The following CUL2 variants were observed in gnomAD, a reference collection of about 807,000 sequenced individuals.
The protein encoded by CUL2 is cullin 2.
A neutral mutation model predicts 110.2 loss-of-function variants in CUL2; 22 were observed. That is an observed-to-expected ratio of 0.20 (90% confidence interval 0.14 to 0.28). The LOEUF is 0.28. Ranked by LOEUF, CUL2 falls within the 10% of genes least tolerant of loss-of-function variation. The pLI is 1.00. For synonymous variants in CUL2, 279 were observed against 293.2 expected (o/e 0.95, Z 0.49); for missense variants, 631 against 905.5 (o/e 0.70, Z 3.89).
At chr10:35,042,407 A>C (rs115206759) in intron 8 of CUL2, among the ~76,000 whole-genome samples, 1 of 152,146 alleles carries the variant, frequency 6.6e-6, no homozygotes. Flanking sequence ...TTCCTGGTTC[A>C]TAACTCCCTT....
At chr10:35,062,005 G>A (rs191289670) in intron 3 of CUL2, among the ~76,000 whole-genome samples, 18 of 152,122 alleles carry the variant, frequency 1.2e-4, no homozygotes, top group African/African-American at 4.3e-4. Flanking sequence ...TATAGATAAA[G>A]TCAAAACTCA....
intron 4 of CUL2, among the ~76,000 whole-genome samples, chr10:35,057,740 TA>T (rs1442244146): frequency 1.3e-5 from 2 of 152,176 alleles, no homozygotes; most frequent in Non-Finnish European, 2.9e-5. Context: ...ACACCATTCT[TA>T]TTTTATAAGT....
rs150696727 is a variant in CUL2, at chr10:35,054,494, C to T, written c.363G>A (p.Ala121=). The change falls in exon 5 of 21, where the codon GCG becomes GCA. Residue 121 remains alanine (A), a synonymous_variant. Coordinates refer to ENST00000374749, the MANE Select transcript of CUL2 (RefSeq NM_003591.4). The stretch of plus-strand genomic sequence containing the variant: ...CACCACCATAGCCATACTGAAGGTC[C>T]GCTTCTGTTAATTTATTCTTTTTAA... The part of the protein sequence containing the change: ...QFIKKNKLTE[A]DLQYGYGGVD... 1.5e-4 allele frequency: 236 copies of T among 1,593,200 alleles called. No individual in the cohort carries two copies. In the African/African-American group the frequency reaches 1.6e-3, roughly 11 times the overall value.
At chr10:35,119,525 G>T (rs1472070903) in intron 1 of CUL2, among the ~76,000 whole-genome samples, 1 of 151,488 alleles carries the variant, frequency 6.6e-6, no homozygotes, top group African/African-American at 2.4e-5. Flanking sequence ...TCATATCTAG[G>T]TATACTATAA....
At chr10:35,122,648 A>T (rs1375909890) in intron 1 of CUL2, among the ~76,000 whole-genome samples, 1 of 151,888 alleles carries the variant, frequency 6.6e-6, no homozygotes, top group Non-Finnish European at 1.5e-5. Flanking sequence ...TTATTTATTT[A>T]TTTTTTTGAG....
rs938148702 is a variant in CUL2, at chr10:35,044,756, A to G, written c.603+16T>C. ...ATTAACAGTCTGATTATTTGTTTTT[A>G]AAGGAGGCTGTTTACCTTTAAGGGG... On this transcript the variant is annotated intron_variant, in intron 7 of 20. Coordinates refer to ENST00000374749, the MANE Select transcript of CUL2 (RefSeq NM_003591.4). 23 of 1,594,872 alleles carry G rather than the reference A, an allele frequency of 1.4e-5. No individual in the cohort carries two copies. The highest frequency in any genetic ancestry group is 4.0e-5 in the African/African-American group (3 of 74,310).
At position 35,039,401 on chromosome 10, in the gene CUL2, G is replaced by T. The variant is rs527666415; in HGVS notation, c.715-319C>A. 2.0e-5 allele frequency among the ~76,000 whole-genome samples: 3 copies of T among 151,456 alleles called. No individual in the cohort carries two copies. The East Asian group carries it at 5.8e-4, about 29-fold the overall frequency. On this transcript the variant is annotated intron_variant, in intron 8 of 20. Transcript: ENST00000374749. ...TGTAACAGGAAAAGTGGGTACAGAT[G>T]ATTAAATTCAGAACAGGTGATCTCT...
At chr10:35,038,624 G>A (rs548108893) in intron 9 of CUL2, among the ~76,000 whole-genome samples, 1 of 143,002 alleles carries the variant, frequency 7.0e-6, no homozygotes, top group South Asian at 2.2e-4. Context: ...CCTTTTTATA[G>A]TCTTTGCCTT....
chr10:35,090,217 AG>A lies in CUL2; in HGVS notation c.-62del. On this transcript the variant is annotated 5_prime_UTR_variant, in exon 1 of 21. Transcript: ENST00000374749. ...AGGGCAAGGGGCAGGGGACAAGGGG[AG>A]GGGGAGGCAGCCCGAAGGAGTGAAA... 1 of 153,576 alleles carries A rather than the reference AG, an allele frequency of 6.5e-6. No individual in the cohort carries two copies. The highest frequency in any genetic ancestry group is 1.8e-4 in the South Asian group (1 of 5,664). The allele number at this position is 153,576 out of a possible 1,614,324, so 9.5% of individuals were successfully genotyped here. A position where few individuals can be genotyped will look rare whatever the true frequency, so the allele number is the denominator to read the frequency against.
rs145410963 is a variant in CUL2 at position 35,124,217 on chromosome 10, T to C, written c.-51+2388A>G. 3.1e-3 allele frequency among the ~76,000 whole-genome samples: 477 copies of C among 152,156 alleles called. 3 individuals carry two copies. The highest frequency in any genetic ancestry group is 2.2e-3 in the African/African-American group (93 of 41,530). ...CATTTAAAAAATAAGGCAGTAGTCA[T>C]TGGTAGTATCTGATGAGGAAAATAG... On this transcript the variant is annotated intron_variant, in intron 1 of 5. Transcript: ENST00000685421.
At position 35,071,320 on chromosome 10, in the gene CUL2, T is replaced by C; in HGVS notation, c.-3A>G. 1 of 1,612,472 alleles carries C rather than the reference T, an allele frequency of 6.2e-7. No individual in the cohort carries two copies. The highest frequency in any genetic ancestry group is 8.5e-7 in the Non-Finnish European group (1 of 1,178,554). The stretch of plus-strand genomic sequence containing the variant: ...ACTACTCTTGGTTTCAAAGACATTG[T>C]GCAAGTGTAGTGTTGAAATCTGTCA... On this transcript the variant is annotated 5_prime_UTR_variant, in exon 2 of 21. Transcript: ENST00000374749.
Position 35,113,618 on chromosome 10 carries a change from T to C in CUL2, c.-50-12558A>G, listed in dbSNP as rs577167745. ...CCAAGAATGCAAAGAAACAACAAAA[T>C]ATAATTCATAATCAGGAGAAAAATA... On this transcript the variant is annotated intron_variant, in intron 1 of 5. Coordinates refer to the CUL2 transcript ENST00000685421. 3.4e-4 allele frequency among the ~76,000 whole-genome samples: 47 copies of C among 140,250 alleles called. No homozygotes were observed. The South Asian group carries it at 9.8e-3, about 29-fold the overall frequency. 92.0% of individuals were successfully genotyped at this position (140,250 alleles called of 152,430 possible).
upstream of CUL2, among the ~76,000 whole-genome samples, chr10:35,093,920 A>AT (rs2087253848): frequency 1.3e-5 from 2 of 152,042 alleles, no homozygotes; most frequent in African/African-American, 4.8e-5. Context: ...AAATATGGTT[A>AT]TTTTTCATAA....
intron 4 of CUL2, among the ~76,000 whole-genome samples, chr10:35,058,112 A>AT (rs1216721198): frequency 6.6e-6 from 1 of 152,222 alleles, no homozygotes; most frequent in African/African-American, 2.4e-5. Flanking sequence ...TAGTAATAAA[A>AT]TTTTTAAAAA....
At position 35,084,052 on chromosome 10, in the gene CUL2, G is replaced by A. The variant is rs114105072; in HGVS notation, c.-23+6127C>T. Reference sequence around the variant, plus strand: ...AGCACCTTGGAAGGCCAAAGAGGGCGGATCTCTTGAGGTCAGGAGTTCAAG... The same window carrying A: ...AGCACCTTGGAAGGCCAAAGAGGGCAGATCTCTTGAGGTCAGGAGTTCAAG... On this transcript the variant is annotated intron_variant, in intron 1 of 20. Coordinates refer to ENST00000374749, the MANE Select transcript of CUL2 (RefSeq NM_003591.4). Among the ~76,000 whole-genome samples the A allele has an allele frequency of 5.1e-4, 77 of 152,186 alleles. No individual in the cohort carries two copies. In the East Asian group the frequency reaches 0.013, roughly 25 times the overall value.
chr10:35,075,896 T>A (rs2086807448), intron 1 of CUL2, among the ~76,000 whole-genome samples: 1 of 152,184 alleles, frequency 6.6e-6, no homozygotes, highest in Non-Finnish European at 1.5e-5. Context: ...AGCTACCATA[T>A]GACCCAGCAA....
At chr10:35,118,890 G>A (rs1400037851) in intron 1 of CUL2, 1 of 152,264 alleles carries the variant, frequency 6.6e-6, no homozygotes, top group Non-Finnish European at 1.5e-5. Flanking sequence ...GGCATGTCCA[G>A]ATCATTTCAC....
At chr10:35,094,143 T>C (rs2087257407), upstream of CUL2, among the ~76,000 whole-genome samples, 1 of 152,180 alleles carries the variant, frequency 6.6e-6, no homozygotes, top group Non-Finnish European at 1.5e-5. Flanking sequence ...TTTCATCAAT[T>C]ACACAGTCTC....
At chr10:35,071,176 T>A in intron 2 of CUL2, 23 bp downstream of exon 2, 4 of 1,605,794 alleles carry the variant, frequency 2.5e-6, no homozygotes, top group Non-Finnish European at 2.6e-6. Flanking sequence ...AGAACATTGA[T>A]CAAGCTGCCA....
Sources: allele counts gnomAD v4.1 joint callset (sites outside exome capture counted in the v4.1 genomes callset), GRCh38; gene constraint gnomAD v4.1.1; transcripts MANE v1.5; gene names NCBI Gene and HGNC (gene_info 2026-07-23, HGNC 2026-07-21).